The following TUSC3 variants were observed in gnomAD, a reference collection of about 807,000 sequenced individuals.
The protein encoded by TUSC3 is dolichyl-diphosphooligosaccharide--protein glycosyltransferase subunit TUSC3.
TUSC3 carries 45 observed loss-of-function variants against 44.8 expected under a neutral mutation model. That is an observed-to-expected ratio of 1.00 (90% confidence interval 0.79 to 1.29). TUSC3 has a LOEUF of 1.29. TUSC3 is among the 50% of genes most tolerant of loss of function. The pLI, the probability that TUSC3 is intolerant of heterozygous loss-of-function variation, is 0.00. For missense variants in TUSC3, 519 were observed against 437.9 expected, an observed-to-expected ratio of 1.19 and a Z score of -1.65; for synonymous variants, 212 against 152.9, an observed-to-expected ratio of 1.39 and a Z score of -2.85.
the TUSC3 span, among the ~76,000 whole-genome samples, chr8:15,845,376 G>C: frequency 6.6e-6 from 1 of 152,116 alleles, no homozygotes; most frequent in Non-Finnish European, 1.5e-5. Context: ...AGAAAATCCT[G>C]AACTCCCTAG....
chr8:15,480,987 C>G (rs980679789), intron 1 of TUSC3, among the ~76,000 whole-genome samples: 7 of 152,118 alleles, frequency 4.6e-5, no homozygotes, highest in Admixed American at 2.6e-4. Flanking sequence ...GTGGCTCACG[C>G]CTGTAATTCC....
intron 7 of TUSC3, among the ~76,000 whole-genome samples, chr8:15,735,720 G>A (rs12114067): frequency 0.074 from 11,287 of 151,948 alleles, 519 homozygotes; most frequent in South Asian, 0.21. Flanking sequence ...TTTTTGAGAC[G>A]GAGTCTCACT....
At chr8:15,738,174 T>G (rs936008480) in intron 7 of TUSC3, among the ~76,000 whole-genome samples, 10 of 152,168 alleles carry the variant, frequency 6.6e-5, no homozygotes, top group African/African-American at 2.4e-4. Flanking sequence ...AGATCATACT[T>G]ACTTACTGAC....
At chr8:15,780,373 G>A in the TUSC3 span, among the ~76,000 whole-genome samples, 9 of 152,242 alleles carry the variant, frequency 5.9e-5, no homozygotes, top group Middle Eastern at 3.4e-3. Flanking sequence ...CTAACTCAAA[G>A]GTTCCCCATG....
chr8:15,530,099 C>G (rs968516348), intron 2 of TUSC3, among the ~76,000 whole-genome samples: 5 of 151,896 alleles, frequency 3.3e-5, no homozygotes, highest in Non-Finnish European at 5.9e-5. Flanking sequence ...AAGTTTTTTA[C>G]ACTCCTGTAT....
chr8:15,742,130 A>G (rs1388913177), intron 7 of TUSC3, among the ~76,000 whole-genome samples: 1 of 148,598 alleles, frequency 6.7e-6, no homozygotes, highest in African/African-American at 2.5e-5. Context: ...TACTGCCTAC[A>G]TGATTGAAAG....
rs1419511877 is a variant in TUSC3 at position 15,447,024 on chromosome 8, A to G, written n.91+29719A>G. Among the ~76,000 whole-genome samples, 9 of 152,210 alleles carry G rather than the reference A, an allele frequency of 5.9e-5. No homozygotes were observed. The South Asian group carries it at 1.0e-3, about 18-fold the overall frequency. The stretch of plus-strand genomic sequence containing the variant: ...ATAATCAAATGTTGACATGGAGAGT[A>G]ACTTCAATACTGTTTCCCAAATGCA... On this transcript the variant is annotated intron_variant and non_coding_transcript_variant, in intron 1 of 5. Coordinates refer to the TUSC3 transcript ENST00000503191.
At position 15,461,122 on chromosome 8, in the gene TUSC3, A is replaced by G. The variant is rs146938266; in HGVS notation, n.92-22264A>G. ...GAATGTGTAGATTGCCTTTGGCAGT[A>G]TGGTCATTTTCACAGTACTGACTCT... On this transcript the variant is annotated intron_variant and non_coding_transcript_variant, in intron 1 of 5. Coordinates refer to the TUSC3 transcript ENST00000503191. Among the ~76,000 whole-genome samples, 286 of 151,272 alleles carry G rather than the reference A, an allele frequency of 1.9e-3. 3 individuals are homozygous for G. The highest frequency in any genetic ancestry group is 6.4e-3 in the African/African-American group (265 of 41,234).
intron 2 of TUSC3, among the ~76,000 whole-genome samples, chr8:15,643,389 A>T (rs1228897026): frequency 6.6e-6 from 1 of 150,892 alleles, no homozygotes; most frequent in Non-Finnish European, 1.5e-5. Flanking sequence ...ACATTTAAGC[A>T]TTAATATGTT....
intron 2 of TUSC3, among the ~76,000 whole-genome samples, chr8:15,646,341 T>C (rs971236089): frequency 6.6e-6 from 1 of 151,976 alleles, no homozygotes; most frequent in Admixed American, 6.6e-5. Context: ...GTTATGGAGG[T>C]TTTTGACTTT....
chr8:15,775,835 A>G, the TUSC3 span, among the ~76,000 whole-genome samples: 1 of 150,706 alleles, frequency 6.6e-6, no homozygotes, highest in Non-Finnish European at 1.5e-5. Flanking sequence ...ATTGCACCTG[A>G]ATGGATTCTT....
intron 6 of TUSC3, among the ~76,000 whole-genome samples, chr8:15,683,315 T>C (rs1808498913): frequency 6.6e-6 from 1 of 152,208 alleles, no homozygotes; most frequent in Non-Finnish European, 1.5e-5. Flanking sequence ...CAATCTCTTA[T>C]TTCTCAGAGG....
At chr8:15,772,925 G>C in the TUSC3 span, among the ~76,000 whole-genome samples, 1 of 111,020 alleles carries the variant, frequency 9.0e-6, no homozygotes, top group Non-Finnish European at 1.9e-5. Flanking sequence ...AGTTGATGCA[G>C]AAAAAGCATT....
At chr8:15,639,543 A>G (rs1585181522) in intron 2 of TUSC3, among the ~76,000 whole-genome samples, 1 of 152,208 alleles carries the variant, frequency 6.6e-6, no homozygotes, top group Non-Finnish European at 1.5e-5. Context: ...TAAAACTCTA[A>G]TCTTGATAGC....
intron 2 of TUSC3, among the ~76,000 whole-genome samples, chr8:15,634,080 C>T (rs1038545601): frequency 6.6e-6 from 1 of 152,190 alleles, no homozygotes; most frequent in Non-Finnish European, 1.5e-5. Flanking sequence ...TCTTACAACC[C>T]ATTCCTGGTA....
chr8:15,419,254 A>G (rs547414703), intron 1 of TUSC3, among the ~76,000 whole-genome samples: 2 of 152,340 alleles, frequency 1.3e-5, no homozygotes, highest in African/African-American at 4.8e-5. Context: ...ACTTTCACCA[A>G]TTGTCAAGTG....
chr8:15,441,382 G>A (rs1800018969), intron 1 of TUSC3, among the ~76,000 whole-genome samples: 1 of 152,166 alleles, frequency 6.6e-6, no homozygotes, highest in Non-Finnish European at 1.5e-5. Context: ...ACTCCAGGCT[G>A]GGTGAGACAG....
chr8:15,738,718 T>A (rs988040397), intron 7 of TUSC3, among the ~76,000 whole-genome samples: 65 of 152,186 alleles, frequency 4.3e-4, no homozygotes, highest in African/African-American at 1.5e-3. Flanking sequence ...ATCATTTCTT[T>A]GCATTTGTTT....
chr8:15,457,737 C>G (rs2129121329), intron 1 of TUSC3, among the ~76,000 whole-genome samples: 1 of 146,266 alleles, frequency 6.8e-6, no homozygotes, highest in Non-Finnish European at 1.5e-5. Flanking sequence ...AATAAAATAT[C>G]TAATAATTTA....
Sources: allele counts gnomAD v4.1 joint callset (sites outside exome capture counted in the v4.1 genomes callset), GRCh38; gene constraint gnomAD v4.1.1; transcripts MANE v1.5; gene names NCBI Gene and HGNC (gene_info 2026-07-23, HGNC 2026-07-21).